The following LRRC63 variants were observed in gnomAD, a reference collection of about 807,000 sequenced individuals.
LRRC63 encodes the protein leucine-rich repeat-containing protein 63.
In LRRC63, 40 loss-of-function variants were observed where a neutral mutation model predicts 49.5. The observed-to-expected ratio is 0.81, with a 90% confidence interval of 0.63 to 1.05. LRRC63 has a LOEUF of 1.05. Among genes scored for constraint, LRRC63 ranks in the 50% least tolerant of loss-of-function variants. The probability of loss-of-function intolerance (pLI) is 0.00; values close to 1 mark genes in which losing one functional copy is unlikely to be tolerated. For missense variants in LRRC63, 636 were observed against 663.1 expected, an observed-to-expected ratio of 0.96 and a Z score of 0.45; for synonymous variants, 191 against 221.1, an observed-to-expected ratio of 0.86 and a Z score of 1.21.
At position 46,241,084 on chromosome 13, in the gene LRRC63, A is replaced by G. The variant is rs147643606; in HGVS notation, c.991-5443A>G. Among the ~76,000 whole-genome samples the G allele has an allele frequency of 2.6e-5, 4 of 152,254 alleles. No homozygotes were observed. In the East Asian group the frequency reaches 7.7e-4, roughly 29 times the overall value. ...GCATCATGCTACCTGCCTTCGTACT[A>G]TACTACAGGGCTATAGCATGGTGCT... On this transcript the variant is annotated intron_variant, in intron 5 of 9. Transcript: ENST00000595396.
chr13:46,234,125 C>G (rs2046839196), intron 4 of LRRC63, 67 bp from the exon 5 acceptor site: 1 of 1,375,576 alleles, frequency 7.3e-7, no homozygotes, highest in South Asian at 1.4e-5. Context: ...AGATAAATAC[C>G]TCTTAACTTT....
chr13:46,261,803 C>T, intron 7 of LRRC63, 106 bp from the exon 8 acceptor site: 1 of 370,710 alleles, frequency 2.7e-6, no homozygotes, highest in Non-Finnish European at 4.9e-6. Context: ...ATTTCAAGAT[C>T]TTAGAAATCT....
chr13:46,276,854 A>ATATT lies in LRRC63; in HGVS notation c.*54_*55insTTAT, dbSNP rs1555330632. 228 of 118,864 alleles carry ATATT rather than the reference A, an allele frequency of 1.9e-3. 1 individual carries two copies. The highest frequency in any genetic ancestry group is 5.6e-3 in the African/African-American group (180 of 32,266). The allele number at this position is 118,864 out of a possible 1,614,324, so 7.4% of individuals were successfully genotyped here. A position where few individuals can be genotyped will look rare whatever the true frequency, so the allele number is the denominator to read the frequency against. On this transcript the variant is annotated 3_prime_UTR_variant, in exon 10 of 10. Coordinates refer to ENST00000595396, the Ensembl canonical transcript of LRRC63. ...TATATATATATATATATATATATTTATATATATATATATTTATATATATAT... is the reference window on the plus strand; with the variant it reads ...TATATATATATATATATATATATTTATATTTATATATATATATTTATATATATAT...
At chr13:46,275,064 T>C (rs1208523170) in intron 9 of LRRC63, among the ~76,000 whole-genome samples, 1 of 152,180 alleles carries the variant, frequency 6.6e-6, no homozygotes, top group Admixed American at 6.5e-5. Flanking sequence ...TGTTTTTAGT[T>C]TCCACATGAG....
chr13:46,250,813 C>T (rs1433086962), intron 7 of LRRC63, among the ~76,000 whole-genome samples: 1 of 151,902 alleles, frequency 6.6e-6, no homozygotes, highest in South Asian at 2.1e-4. Context: ...GGAAAGAGCA[C>T]TGAATTTGGG....
exon 5 of LRRC63, chr13:46,234,263 G>A: frequency 6.5e-7 from 1 of 1,550,248 alleles, no homozygotes; most frequent in Non-Finnish European, 8.7e-7. Flanking sequence ...GACTGTTGCA[G>A]CAACACGATA....
rs191703136 is a variant in LRRC63, at chr13:46,246,142, C to G, written c.991-385C>G. On this transcript the variant is annotated intron_variant, in intron 5 of 9. Coordinates refer to ENST00000595396, the Ensembl canonical transcript of LRRC63. ...CTGCTCTGGCCATGTAAGACCGCTT[C>G]CCCCTTCACCTGCTATGATCGTAAG... is the stretch of plus-strand genomic sequence containing the variant. 3.9e-5 allele frequency among the ~76,000 whole-genome samples: 6 copies of G among 152,254 alleles called. No homozygotes were observed. In the East Asian group the frequency reaches 1.2e-3, roughly 29 times the overall value.
chr13:46,235,530 A>G (rs1341475760), intron 5 of LRRC63, among the ~76,000 whole-genome samples: 1 of 152,154 alleles, frequency 6.6e-6, no homozygotes, highest in Non-Finnish European at 1.5e-5. Flanking sequence ...CAAACCCCAA[A>G]GAGAGGGGAA....
At chr13:46,220,982 T>C (rs1451921605) in intron 2 of LRRC63, among the ~76,000 whole-genome samples, 2 of 152,206 alleles carry the variant, frequency 1.3e-5, no homozygotes, top group Non-Finnish European at 2.9e-5. Flanking sequence ...ACTGCCTTTT[T>C]CTTTTCTCCC....
chr13:46,248,477 C>T (rs2047280861), intron 6 of LRRC63, among the ~76,000 whole-genome samples: 1 of 151,632 alleles, frequency 6.6e-6, no homozygotes, highest in African/African-American at 2.4e-5. Context: ...CAAACAGCAA[C>T]AATAGAAATG....
At chr13:46,223,475 G>A (rs1594015002) in intron 2 of LRRC63, among the ~76,000 whole-genome samples, 1 of 127,888 alleles carries the variant, frequency 7.8e-6, no homozygotes, top group East Asian at 2.4e-4. Flanking sequence ...TTGGCTGACA[G>A]TTTTTTTTGT....
intron 7 of LRRC63, among the ~76,000 whole-genome samples, chr13:46,251,928 A>T (rs778286465): frequency 6.6e-6 from 1 of 151,962 alleles, no homozygotes; most frequent in Non-Finnish European, 1.5e-5. Context: ...TGGACAAATA[A>T]GTATGAATTG....
rs189968801 is a variant in LRRC63 at position 46,220,267 on chromosome 13, G to A, written c.85+7148G>A. Among the ~76,000 whole-genome samples the A allele has an allele frequency of 2.0e-5, 3 of 152,318 alleles. No individual in the cohort carries two copies. In the East Asian group the frequency reaches 5.8e-4, roughly 29 times the overall value. The stretch of plus-strand genomic sequence containing the variant: ...AAAGGAGTTTTCTCTATAAGCCCCT[G>A]ACTGGGGCTGCTGCCTTTCTTTCAG... On this transcript the variant is annotated intron_variant, in intron 2 of 9. Transcript: ENST00000595396.
chr13:46,246,699 T>G, intron 6 of LRRC63, 74 bp downstream of exon 6: 1 of 684,726 alleles, frequency 1.5e-6, no homozygotes. Flanking sequence ...TAGACGTCTT[T>G]TAATACCTTG....
chr13:46,245,178 T>C (rs2047179896), intron 5 of LRRC63, among the ~76,000 whole-genome samples: 1 of 152,170 alleles, frequency 6.6e-6, no homozygotes, highest in East Asian at 1.9e-4. Flanking sequence ...ATAGATATAA[T>C]TAGAATGCCT....
At chr13:46,243,499 T>C (rs2047123829) in intron 5 of LRRC63, among the ~76,000 whole-genome samples, 1 of 152,198 alleles carries the variant, frequency 6.6e-6, no homozygotes, top group Non-Finnish European at 1.5e-5. Flanking sequence ...GCCCCAGCTA[T>C]ATGCTGTCTA....
intron 5 of LRRC63, among the ~76,000 whole-genome samples, chr13:46,244,402 A>G (rs2047155263): frequency 6.6e-6 from 1 of 152,192 alleles, no homozygotes; most frequent in Admixed American, 6.5e-5. Context: ...ACTAAGGAGA[A>G]TAACAAGAAA....
intron 4 of LRRC63, among the ~76,000 whole-genome samples, chr13:46,230,576 T>G (rs1374243777): frequency 1.3e-5 from 2 of 152,146 alleles, no homozygotes; most frequent in Admixed American, 1.3e-4. Flanking sequence ...CCGAAGAACT[T>G]GGAGTCTGAT....
At chr13:46,254,202 T>C (rs1035717882) in intron 7 of LRRC63, among the ~76,000 whole-genome samples, 1 of 152,126 alleles carries the variant, frequency 6.6e-6, no homozygotes, top group Non-Finnish European at 1.5e-5. Context: ...TTGGTGATAA[T>C]GAGTGTAGAC....
Sources: allele counts gnomAD v4.1 joint callset (sites outside exome capture counted in the v4.1 genomes callset), GRCh38; gene constraint gnomAD v4.1.1; transcripts MANE v1.5; gene names NCBI Gene and HGNC (gene_info 2026-07-23, HGNC 2026-07-21).